PRSS38: variants seen among roughly 807,000 people sequenced by gnomAD.
The protein encoded by PRSS38 is serine protease 38.
In PRSS38, 22 loss-of-function variants were observed where a neutral mutation model predicts 26.8. That is an observed-to-expected ratio of 0.82 (90% CI 0.59 to 1.17). PRSS38 has a LOEUF of 1.17. PRSS38 is among the 50% of genes most tolerant of loss of function. The pLI is 0.00. For synonymous variants in PRSS38, 175 were observed against 172.1 expected, an observed-to-expected ratio of 1.02 and a Z score of -0.13; for missense variants, 427 against 422.7, an observed-to-expected ratio of 1.01 and a Z score of -0.09.
chr1:227,820,851 A>T (rs1487228117), intron 3 of PRSS38, among the ~76,000 whole-genome samples: 1 of 152,122 alleles, frequency 6.6e-6, no homozygotes, highest in East Asian at 1.9e-4. Flanking sequence ...CTGGTCCTGT[A>T]CTTTTCTTTG....
intron 3 of PRSS38, among the ~76,000 whole-genome samples, chr1:227,831,766 C>T (rs1038711151): frequency 1.3e-5 from 2 of 152,048 alleles, no homozygotes; most frequent in African/African-American, 2.4e-5. Context: ...ACAGGAGAAT[C>T]ATTTGAAGCT....
intron 3 of PRSS38, among the ~76,000 whole-genome samples, chr1:227,826,511 C>T (rs1324572924): frequency 2.0e-5 from 3 of 152,032 alleles, no homozygotes; most frequent in Non-Finnish European, 4.4e-5. Context: ...GTTAGGAGTT[C>T]GAGAGCAGCC....
intron 4 of PRSS38, among the ~76,000 whole-genome samples, 159 bp downstream of exon 4, chr1:227,845,771 T>C (rs1268594770): frequency 6.6e-6 from 1 of 152,172 alleles, no homozygotes; most frequent in African/African-American, 2.4e-5. Flanking sequence ...GCCGCATGCC[T>C]GCAGCAGGCC....
chr1:227,832,144 A>G (rs1665161850), intron 3 of PRSS38, among the ~76,000 whole-genome samples: 1 of 152,140 alleles, frequency 6.6e-6, no homozygotes, highest in South Asian at 2.1e-4. Flanking sequence ...ATTTGCACGG[A>G]TATCTTTTTT....
intron 3 of PRSS38, among the ~76,000 whole-genome samples, chr1:227,841,452 A>G (rs1182370315): frequency 6.6e-6 from 1 of 152,248 alleles, no homozygotes; most frequent in Non-Finnish European, 1.5e-5. Context: ...CCATGTGGGA[A>G]AGGCGGGGAA....
chr1:227,826,438 G>A (rs1175202889), intron 3 of PRSS38, among the ~76,000 whole-genome samples: 2 of 152,218 alleles, frequency 1.3e-5, no homozygotes, highest in Non-Finnish European at 2.9e-5. Context: ...GTGAGGCCAA[G>A]TGCGGTGGCT....
intron 3 of PRSS38, among the ~76,000 whole-genome samples, chr1:227,822,324 T>C (rs1453154362): frequency 6.6e-6 from 1 of 152,146 alleles, no homozygotes; most frequent in Non-Finnish European, 1.5e-5. Flanking sequence ...TAGACTTCTT[T>C]AGGGACAGTT....
At chr1:227,818,289 A>T (rs948924160) in intron 3 of PRSS38, among the ~76,000 whole-genome samples, 10 of 152,194 alleles carry the variant, frequency 6.6e-5, no homozygotes, top group African/African-American at 1.9e-4. Context: ...CTTAATTTTT[A>T]AAAAATTATA....
intron 3 of PRSS38, among the ~76,000 whole-genome samples, chr1:227,845,223 A>G (rs1572093146): frequency 1.5e-5 from 2 of 136,066 alleles, no homozygotes; most frequent in South Asian, 2.4e-4. Flanking sequence ...GCTCCTCCCT[A>G]TGTGTGGTGG....
chr1:227,833,847 T>G (rs1289040034), intron 3 of PRSS38, among the ~76,000 whole-genome samples: 1 of 152,206 alleles, frequency 6.6e-6, no homozygotes, highest in Non-Finnish European at 1.5e-5. Context: ...AAGTATAAAA[T>G]TTTAGAATAA....
At position 227,816,935 on chromosome 1, in the gene PRSS38, AAG is replaced by A. The variant is rs1189284418; in HGVS notation, c.312-271_312-270del. ...GGATGTGTGCAACCAGGTTGTCAGTAAGAGTCAGAGCAGGTCTCACATGCATG... is the reference window on the plus strand; with the variant it reads ...GGATGTGTGCAACCAGGTTGTCAGTAAGTCAGAGCAGGTCTCACATGCATG... On this transcript the variant is annotated intron_variant, in intron 2 of 4. Coordinates refer to ENST00000366757, the Ensembl canonical transcript of PRSS38. The surrounding 1 kb of genome is among the most constrained non-coding windows in gnomAD (Gnocchi z 5.1). Among the ~76,000 whole-genome samples the A allele has an allele frequency of 6.6e-6, 1 of 152,214 alleles. No homozygotes were observed. Among genetic ancestry groups the A allele is most frequent in the Non-Finnish European group, 1.5e-5 (1 of 68,038 alleles).
intron 3 of PRSS38, among the ~76,000 whole-genome samples, chr1:227,819,634 T>C (rs1254096849): frequency 1.3e-5 from 2 of 152,348 alleles, no homozygotes; most frequent in Middle Eastern, 6.8e-3. Context: ...TATTTGAGTC[T>C]TTAATTTCTT....
intron 3 of PRSS38, among the ~76,000 whole-genome samples, chr1:227,840,440 G>C (rs1665320728): frequency 6.6e-6 from 1 of 151,978 alleles, no homozygotes; most frequent in Admixed American, 6.6e-5. Flanking sequence ...AAATGGTTGG[G>C]GCGGAAAAGA....
chr1:227,821,702 A>G (rs1182889034), intron 3 of PRSS38, among the ~76,000 whole-genome samples: 1 of 152,202 alleles, frequency 6.6e-6, no homozygotes, highest in Non-Finnish European at 1.5e-5. Flanking sequence ...GAAATTGGCT[A>G]TTAATCTGAT....
At chr1:227,845,496 A>G (rs9426581) in exon 4 of PRSS38, 1,373,535 of 1,611,502 alleles carry the variant, frequency 0.85, 587,549 homozygotes, top group South Asian at 0.91. Context: ...GCTGCAGGAG[A>G]TGCAGCTCCC....
At chr1:227,831,565 G>T (rs555321914) in intron 3 of PRSS38, among the ~76,000 whole-genome samples, 8 of 152,158 alleles carry the variant, frequency 5.3e-5, no homozygotes, top group African/African-American at 1.9e-4. Flanking sequence ...ATCCTTATTG[G>T]TTTTCTGTCT....
chr1:227,839,322 T>C (rs1305262559), intron 3 of PRSS38, among the ~76,000 whole-genome samples: 1 of 151,890 alleles, frequency 6.6e-6, no homozygotes, highest in African/African-American at 2.4e-5. Context: ...ATAAAATAAT[T>C]AGCCAGACAT....
rs1040166241 is a variant in PRSS38 at position 227,817,284 on chromosome 1, G to A, written c.387G>A (p.Trp129Ter). ...GGGTGGCCGGCAACCACACCCAGTGGTATGAGGTGAACAGGGTGATCCTGC... is the reference window on the plus strand; with the variant it reads ...GGGTGGCCGGCAACCACACCCAGTGATATGAGGTGAACAGGGTGATCCTGC... The change falls in exon 3 of 5, where the codon TGG (tryptophan) becomes TGA (stop). Residue 129 changes from tryptophan to a stop codon, truncating the protein, a stop_gained. Transcript: ENST00000366757. LOFTEE classifies it high-confidence loss of function. The A allele has an allele frequency of 6.2e-7, 1 of 1,614,134 alleles. No individual in the cohort carries two copies. Among genetic ancestry groups the A allele is most frequent in the Non-Finnish European group, 8.5e-7 (1 of 1,179,988 alleles).
intron 3 of PRSS38, among the ~76,000 whole-genome samples, chr1:227,823,791 CAG>C (rs1665034052): frequency 6.6e-6 from 1 of 152,202 alleles, no homozygotes; most frequent in African/African-American, 2.4e-5. Context: ...GTACAGTCTG[CAG>C]AACTGTGAGC....
Sources: allele counts gnomAD v4.1 joint callset (sites outside exome capture counted in the v4.1 genomes callset), GRCh38; gene constraint gnomAD v4.1.1; non-coding constraint Gnocchi (gnomAD v3.1); transcripts MANE v1.5; gene names NCBI Gene and HGNC (gene_info 2026-07-23, HGNC 2026-07-21).